Variants in SYT16 observed in about 807,000 individuals in gnomAD.
The protein encoded by SYT16 is synaptotagmin 16.
SYT16 carries 42 observed loss-of-function variants against 61.4 expected under a neutral mutation model. The observed-to-expected ratio is 0.68, with a 90% CI of 0.53 to 0.89. The LOEUF (loss-of-function observed/expected upper bound fraction) is 0.89. Among genes scored for constraint, SYT16 ranks in the 40% least tolerant of loss-of-function variants. The pLI is 0.00. For missense variants in SYT16, 804 were observed against 807.3 expected, an observed-to-expected ratio of 1.00 and a Z score of 0.05; for synonymous variants, 314 against 302.3, an observed-to-expected ratio of 1.04 and a Z score of -0.40.
intron 1 of SYT16, among the ~76,000 whole-genome samples, chr14:61,872,897 ATAAT>A (rs939713968): frequency 2.0e-5 from 3 of 152,228 alleles, no homozygotes; most frequent in African/African-American, 7.2e-5. Context: ...ATTGGTAAAA[ATAAT>A]TCATTAATCT....
At chr14:62,013,980 T>C (rs1285836260) in intron 3 of SYT16, among the ~76,000 whole-genome samples, 1 of 151,766 alleles carries the variant, frequency 6.6e-6, no homozygotes, top group Non-Finnish European at 1.5e-5. Context: ...AAAAAAAAAT[T>C]GTTGACTATT....
chr14:61,916,681 C>G (rs892079197), intron 1 of SYT16, among the ~76,000 whole-genome samples: 3 of 152,066 alleles, frequency 2.0e-5, no homozygotes, highest in East Asian at 3.9e-4. Flanking sequence ...AACAGTGGAA[C>G]CTATTCCTTT....
At chr14:61,886,494 G>A (rs899326768) in intron 1 of SYT16, among the ~76,000 whole-genome samples, 5 of 152,156 alleles carry the variant, frequency 3.3e-5, no homozygotes, top group Admixed American at 1.3e-4. Flanking sequence ...TGTCCACAGC[G>A]TCTTCACCAG....
intron 3 of SYT16, among the ~76,000 whole-genome samples, chr14:62,009,716 A>G (rs993928722): frequency 2.0e-5 from 3 of 151,992 alleles, no homozygotes; most frequent in Non-Finnish European, 4.4e-5. Flanking sequence ...TATTAGGGGT[A>G]CTCCAGCACA....
intron 1 of SYT16, among the ~76,000 whole-genome samples, chr14:61,890,614 T>C (rs1231237949): frequency 6.6e-6 from 1 of 152,198 alleles, no homozygotes; most frequent in Non-Finnish European, 1.5e-5. Context: ...TATATGCATC[T>C]AGATTTTTAT....
intron 3 of SYT16, among the ~76,000 whole-genome samples, chr14:62,067,552 A>G (rs1595334410): frequency 6.6e-6 from 1 of 152,314 alleles, no homozygotes; most frequent in East Asian, 1.9e-4. Flanking sequence ...GTGTATGAAT[A>G]ATTCAAAGGG....
intron 1 of SYT16, among the ~76,000 whole-genome samples, chr14:61,818,880 C>T (rs1466345786): frequency 6.6e-6 from 1 of 152,088 alleles, no homozygotes; most frequent in African/African-American, 2.4e-5. Flanking sequence ...AACTGCTCCT[C>T]CTGTTTTTAA....
intron 1 of SYT16, among the ~76,000 whole-genome samples, chr14:61,954,341 A>G (rs2050788467): frequency 3.4e-5 from 5 of 145,040 alleles, no homozygotes; most frequent in South Asian, 4.4e-4. Context: ...TTCACCAACC[A>G]TGGAATGAAA....
In SYT16 at chr14:61,996,237, A is replaced by G. The variant is rs764799916; in HGVS notation, c.218A>G (p.Asp73Gly). The G allele has an allele frequency of 3.1e-6, 5 of 1,613,646 alleles. No homozygotes were observed. The highest frequency in any genetic ancestry group is 4.2e-6 in the Non-Finnish European group (5 of 1,179,650). ...ACGTACTTTGAAGATGAAGAACAAG[A>G]CAATGATTGGAGTCAAGAGGATGCA... ...QETYFEDEEQ[D>G]NDWSQEDANS... is the part of the protein sequence containing the mutation. The change falls in exon 3 of 8, where the codon GAC (aspartate) becomes GGC (glycine). Residue 73 changes from aspartate (D) to glycine (G), a missense_variant. Physicochemically the swap from Asp to Gly is moderately conservative, Grantham distance 94 (BLOSUM62 -1). Transcript: ENST00000683842.
intron 1 of SYT16, among the ~76,000 whole-genome samples, chr14:61,939,258 A>G (rs753173108): frequency 6.6e-6 from 1 of 152,240 alleles, no homozygotes; most frequent in Non-Finnish European, 1.5e-5. Flanking sequence ...TGATGGATGC[A>G]TAATCCCCCC....
chr14:61,895,333 C>T (rs935066993), intron 1 of SYT16, among the ~76,000 whole-genome samples: 1 of 152,112 alleles, frequency 6.6e-6, no homozygotes, highest in African/African-American at 2.4e-5. Flanking sequence ...GAAACTTTGC[C>T]AGTGACTTTG....
intron 3 of SYT16, among the ~76,000 whole-genome samples, chr14:62,059,298 C>T (rs1490710320): frequency 6.6e-6 from 1 of 152,170 alleles, no homozygotes; most frequent in African/African-American, 2.4e-5. Flanking sequence ...GTGTCTTACC[C>T]TGATGATCAC....
chr14:62,075,333 A>G lies in SYT16; in HGVS notation c.935A>G (p.Asn312Ser), dbSNP rs200940014. 2,166 of 1,613,896 alleles carry G rather than the reference A, an allele frequency of 1.3e-3. 2 individuals are homozygous for G. The highest frequency in any genetic ancestry group is 1.7e-3 in the Non-Finnish European group (1,992 of 1,179,834). The change falls in exon 5 of 8, where the codon AAT becomes AGT. Residue 312 changes from asparagine to serine, a missense_variant. Asn to Ser is a conservative substitution (Grantham distance 46, BLOSUM62 1). Transcript: ENST00000683842. ...AGCTTGGAGATGGAGACAGCTTTTA[A>G]TAGCCGGGGATTTGAAGATTCCTAT... is the stretch of plus-strand genomic sequence containing the variant. ...EGSLEMETAF[N>S]SRGFEDSYAT...
In SYT16 at chr14:62,069,635, A is replaced by G. The variant is rs770346189; in HGVS notation, c.556A>G (p.Thr186Ala). ...NSFGDDEELS[T>A]SSDSDEEVIK... ...CTTTGGGGATGACGAAGAGCTGTCC[A>G]CATCTTCTGACAGTGACGAGGAGGT... Residue 186 changes from threonine (T) to alanine (A), a missense_variant, in exon 4 of 8, where the codon ACA (threonine) becomes GCA (alanine). Transcript: ENST00000683842. The G allele has an allele frequency of 4.3e-6, 7 of 1,613,854 alleles. No individual in the cohort carries two copies. The Admixed American group carries it at 1.2e-4, about 27-fold the overall frequency.
At chr14:62,012,361 C>T (rs2053503472) in intron 3 of SYT16, among the ~76,000 whole-genome samples, 1 of 152,182 alleles carries the variant, frequency 6.6e-6, no homozygotes, top group Non-Finnish European at 1.5e-5. Flanking sequence ...CCACCCTCAA[C>T]TGCTGGAGGC....
At chr14:62,072,675 A>C (rs1056249218) in intron 4 of SYT16, among the ~76,000 whole-genome samples, 2 of 152,196 alleles carry the variant, frequency 1.3e-5, no homozygotes, top group Non-Finnish European at 2.9e-5. Context: ...CCTTCGCAGC[A>C]ATACCTAGAT....
chr14:62,003,824 T>C (rs1038126559), intron 3 of SYT16, among the ~76,000 whole-genome samples: 3 of 152,168 alleles, frequency 2.0e-5, no homozygotes, highest in African/African-American at 7.2e-5. Flanking sequence ...TGAGAAGTTA[T>C]AGTTATGTAC....
At chr14:62,043,628 T>G (rs1253221841) in intron 3 of SYT16, among the ~76,000 whole-genome samples, 1 of 152,084 alleles carries the variant, frequency 6.6e-6, no homozygotes, top group Non-Finnish European at 1.5e-5. Flanking sequence ...AGGATGGTCT[T>G]GATCTCTTGA....
chr14:62,109,044 T>C lies in SYT16; in HGVS notation c.*8337T>C, dbSNP rs999297415. On this transcript the variant is annotated 3_prime_UTR_variant, in exon 8 of 8. Coordinates refer to ENST00000683842, the MANE Select transcript of SYT16 (RefSeq NM_001367656.1). ...ATTGACATAACATTATCACCCAAAGTGCATAGTTCATATTAAGGTTCACTC... is the reference window on the plus strand; with the variant it reads ...ATTGACATAACATTATCACCCAAAGCGCATAGTTCATATTAAGGTTCACTC... The C allele has an allele frequency of 6.6e-6, 1 of 152,202 alleles. No homozygotes were observed. Among genetic ancestry groups the C allele is most frequent in the Non-Finnish European group, 1.5e-5 (1 of 68,030 alleles). The allele number at this position is 152,202 out of a possible 1,614,324, so 9.4% of individuals were successfully genotyped here.
Sources: gnomAD v4.1 joint callset for allele counts (sites outside exome capture counted in the v4.1 genomes callset) on GRCh38, gnomAD v4.1.1 for gene constraint, MANE v1.5 for transcripts, NCBI Gene and HGNC (gene_info 2026-07-23, HGNC 2026-07-21) for gene names.